The following SLC48A1 variants were observed in gnomAD, a reference collection of about 807,000 sequenced individuals.
The protein encoded by SLC48A1 is solute carrier family 48 member 1.
In SLC48A1, 6 loss-of-function variants were observed where a neutral mutation model predicts 14.8. The observed-to-expected ratio is 0.41, with a 90% CI of 0.22 to 0.80. The LOEUF (loss-of-function observed/expected upper bound fraction) is 0.80. Among genes scored for constraint, SLC48A1 ranks in the 30% least tolerant of loss-of-function variants. The pLI, the probability that SLC48A1 is intolerant of heterozygous loss-of-function variation, is 0.34. For missense variants in SLC48A1, 165 were observed against 204.8 expected (o/e 0.81, Z 1.19); for synonymous variants, 89 against 90.0 (o/e 0.99, Z 0.06).
At chr12:47,774,841 G>T (rs946666947) in intron 1 of SLC48A1, among the ~76,000 whole-genome samples, 2 of 152,164 alleles carry the variant, frequency 1.3e-5, no homozygotes, top group African/African-American at 4.8e-5. Context: ...CAGAGCCCTA[G>T]TTCCTTTCCC....
At chr12:47,773,076 C>A (rs954703628), upstream of SLC48A1, 18 of 556,668 alleles carry the variant, frequency 3.2e-5, no homozygotes, top group Non-Finnish European at 4.1e-5. Context: ...GCAGCATTCC[C>A]CCAAACGACA....
intron 2 of SLC48A1, among the ~76,000 whole-genome samples, chr12:47,763,900 C>A (rs926052514): frequency 1.3e-5 from 2 of 152,210 alleles, no homozygotes; most frequent in East Asian, 3.9e-4. Context: ...CTGGCTGGTG[C>A]TCAAGCTAGC....
intron 2 of SLC48A1, 96 bp downstream of exon 2, chr12:47,779,291 G>C (rs1163324215): frequency 2.1e-6 from 3 of 1,426,800 alleles, no homozygotes; most frequent in African/African-American, 2.9e-5. Flanking sequence ...CCTCCAAAGA[G>C]ACTGGGTGAA....
upstream of SLC48A1, chr12:47,757,757 GTA>G (rs970211902): frequency 1.3e-5 from 14 of 1,099,954 alleles, no homozygotes; most frequent in African/African-American, 9.3e-5. Context: ...CTGTACCACT[GTA>G]CACCCCCAGA....
intron 2 of SLC48A1, among the ~76,000 whole-genome samples, chr12:47,764,484 C>T (rs538693488): frequency 3.9e-5 from 6 of 152,316 alleles, no homozygotes; most frequent in East Asian, 3.9e-4. Context: ...TTGGTAGGGG[C>T]GACTGCAGGA....
chr12:47,776,673 T>G (rs1942761797), intron 1 of SLC48A1, among the ~76,000 whole-genome samples: 1 of 152,114 alleles, frequency 6.6e-6, no homozygotes, highest in Admixed American at 6.5e-5. Context: ...AAACCATGCC[T>G]GTTGTTAACA....
chr12:47,773,767 T>G (rs1005145016), intron 1 of SLC48A1, among the ~76,000 whole-genome samples: 5 of 152,084 alleles, frequency 3.3e-5, no homozygotes, highest in Non-Finnish European at 7.4e-5. Context: ...CACGACAGTG[T>G]CCCCTCCGCG....
At chr12:47,763,781 C>G (rs1942445986) in intron 2 of SLC48A1, among the ~76,000 whole-genome samples, 1 of 152,210 alleles carries the variant, frequency 6.6e-6, no homozygotes, top group African/African-American at 2.4e-5. Flanking sequence ...CTCCTGCCTC[C>G]TGTAGGAGGC....
At position 47,780,458 on chromosome 12, in the gene SLC48A1, CTGAG is replaced by C; in HGVS notation, c.*180_*183del. The C allele has an allele frequency of 1.0e-6, 1 of 991,796 alleles. No individual in the cohort carries two copies. The highest frequency in any genetic ancestry group is 1.6e-6 in the Non-Finnish European group (1 of 612,472). 61.4% of individuals were successfully genotyped at this position (991,796 alleles called of 1,614,324 possible). A position where few individuals can be genotyped will look rare whatever the true frequency, so the allele number is the denominator to read the frequency against. The stretch of plus-strand genomic sequence containing the variant: ...CCTGCCCGTCCCCTTTCGAGGAAAC[CTGAG>C]TGTGGTAGAGAGGGGATCCTGCCAT... On this transcript the variant is annotated 3_prime_UTR_variant, in exon 3 of 3. Coordinates refer to ENST00000442218, the MANE Select transcript of SLC48A1 (RefSeq NM_017842.3).
rs60379857 is a variant in SLC48A1, at chr12:47,780,568, CTTTTTTTTTTT to C, written c.*293_*303del. ...GTTTTCTTTTCTTTCTTTTTTTTTTCTTTTTTTTTTTTTTTTGAGATGGAGTCTTACTCTGT... is the reference window on the plus strand; with the variant it reads ...GTTTTCTTTTCTTTCTTTTTTTTTTCTTTTTGAGATGGAGTCTTACTCTGT... On this transcript the variant is annotated 3_prime_UTR_variant, in exon 3 of 3. Transcript: ENST00000442218. 14 of 425,080 alleles carry C rather than the reference CTTTTTTTTTTT, an allele frequency of 3.3e-5. No individual in the cohort carries two copies. Among genetic ancestry groups the C allele is most frequent in the South Asian group, 8.9e-5 (5 of 56,376 alleles). 26.3% of individuals were successfully genotyped at this position (425,080 alleles called of 1,614,324 possible).
upstream of SLC48A1, chr12:47,758,568 A>T: frequency 3.1e-6 from 5 of 1,613,706 alleles, no homozygotes; most frequent in Non-Finnish European, 4.2e-6. Context: ...TTTCTTTTCA[A>T]GCTCGCACAG....
rs1037556184 is a variant in SLC48A1 at position 47,780,215 on chromosome 12, G to C, written c.375G>C (p.Leu125=). The change falls in exon 3 of 3, where the codon CTG becomes CTC. Residue 125 remains leucine (L), a synonymous_variant. Coordinates refer to ENST00000442218, the MANE Select transcript of SLC48A1 (RefSeq NM_017842.3). ...WSFISFKWAF[L]LSLYAHRYRA... ...TCATTTCCTTCAAGTGGGCCTTCCTGCTCAGCCTCTATGCCCACCGCTACC... is the reference window on the plus strand; with the variant it reads ...TCATTTCCTTCAAGTGGGCCTTCCTCCTCAGCCTCTATGCCCACCGCTACC... The C allele has an allele frequency of 5.0e-6, 8 of 1,614,050 alleles. No homozygotes were observed. Among genetic ancestry groups the C allele is most frequent in the African/African-American group, 2.7e-5 (2 of 74,934 alleles).
chr12:47,780,494 C>T lies in SLC48A1; in HGVS notation c.*213C>T. 1 of 795,124 alleles carries T rather than the reference C, an allele frequency of 1.3e-6. No homozygotes were observed. Among genetic ancestry groups the T allele is most frequent in the South Asian group, 1.3e-5 (1 of 74,192 alleles). The allele number at this position is 795,124 out of a possible 1,614,324, so 49.3% of individuals were successfully genotyped here. ...AGAGAGGGGATCCTGCCATGTTGCTCCTCATCAGCCTGGCCAGAGGGCAGC... is the reference window on the plus strand; with the variant it reads ...AGAGAGGGGATCCTGCCATGTTGCTTCTCATCAGCCTGGCCAGAGGGCAGC... On this transcript the variant is annotated 3_prime_UTR_variant, in exon 3 of 3. Coordinates refer to ENST00000442218, the MANE Select transcript of SLC48A1 (RefSeq NM_017842.3).
rs1049001354 is a variant in SLC48A1 at position 47,777,023 on chromosome 12, C to G, written c.137-2005C>G. On this transcript the variant is annotated intron_variant, in intron 1 of 2. Transcript: ENST00000442218. This position sits in a 1 kb window ranked among gnomAD's most constrained non-coding sequence, Gnocchi z 4.5. ...CTGTTCCAGACAGGTGCCCATCAGA[C>G]TGCTCCTTGAGTGTGCTCAGTGACA... is the stretch of plus-strand genomic sequence containing the variant. Among the ~76,000 whole-genome samples the G allele has an allele frequency of 3.3e-5, 5 of 152,308 alleles. No individual in the cohort carries two copies. In the East Asian group the frequency reaches 9.6e-4, roughly 29 times the overall value.
chr12:47,773,532 T>G (rs1476491433), intron 1 of SLC48A1, 92 bp downstream of exon 1: 1 of 1,235,822 alleles, frequency 8.1e-7, no homozygotes, highest in Non-Finnish European at 1.0e-6. Flanking sequence ...GAGCGGCGCT[T>G]CCCCGCGGAG....
intron 2 of SLC48A1, among the ~76,000 whole-genome samples, chr12:47,761,127 G>A (rs1431197450): frequency 6.6e-6 from 1 of 151,646 alleles, no homozygotes; most frequent in Non-Finnish European, 1.5e-5. Context: ...AACCCGGGAG[G>A]CGAAGGTTGC....
upstream of SLC48A1, chr12:47,758,141 C>T (rs1942205942): frequency 2.6e-6 from 4 of 1,516,360 alleles, no homozygotes; most frequent in African/African-American, 1.4e-5. Flanking sequence ...GGCCACAGTA[C>T]AACTGCCCCA....
upstream of SLC48A1, chr12:47,757,872 C>T (rs1009346419): frequency 7.7e-6 from 12 of 1,554,088 alleles, no homozygotes; most frequent in Middle Eastern, 2.1e-4. Flanking sequence ...TCACCCAGCG[C>T]AGCCCCTGGA....
chr12:47,764,374 AC>A (rs774093730), intron 2 of SLC48A1, among the ~76,000 whole-genome samples: 14 of 151,854 alleles, frequency 9.2e-5, no homozygotes, highest in Non-Finnish European at 1.9e-4. Context: ...CCTTCCCAAA[AC>A]CTTTGTCTTA....
Sources: gnomAD v4.1 joint callset for allele counts (sites outside exome capture counted in the v4.1 genomes callset) on GRCh38, gnomAD v4.1.1 for gene constraint, Gnocchi (gnomAD v3.1) non-coding constraint, MANE v1.5 for transcripts, NCBI Gene and HGNC (gene_info 2026-07-23, HGNC 2026-07-21) for gene names.